CLIP1: variants seen among roughly 807,000 people sequenced by gnomAD.
The protein encoded by CLIP1 is CAP-Gly domain-containing linker protein 1.
Under a neutral mutation model 161.6 loss-of-function variants are expected in CLIP1, and 66 were observed. That is an observed-to-expected ratio of 0.41 (90% confidence interval 0.33 to 0.50). CLIP1 has a LOEUF of 0.50. CLIP1 is among the 20% of genes least tolerant of loss of function. CLIP1 has a pLI of 0.27. For missense variants in CLIP1, 1,376 were observed against 1,702.0 expected (o/e 0.81, Z 3.37); for synonymous variants, 598 against 626.2 (o/e 0.96, Z 0.67).
chr12:122,417,807 C>T (rs777943218), intron 1 of CLIP1, among the ~76,000 whole-genome samples: 6 of 152,050 alleles, frequency 3.9e-5, no homozygotes, highest in Admixed American at 6.6e-5. Flanking sequence ...CTACCGCGCC[C>T]GGCCAAATTA....
In CLIP1 at chr12:122,377,521, T is replaced by G; in HGVS notation, c.525A>C (p.Ala175=). The G allele has an allele frequency of 1.2e-6, 2 of 1,614,052 alleles. No individual in the cohort carries two copies. Among genetic ancestry groups the G allele is most frequent in the South Asian group, 2.2e-5 (2 of 91,080 alleles). ...GAGGCGTAGCTGAAGGTTCCTTTGCTGCTGGCTGTGATGGTTTCTGAGGGA... is the reference window on the plus strand; with the variant it reads ...GAGGCGTAGCTGAAGGTTCCTTTGCGGCTGGCTGTGATGGTTTCTGAGGGA... ...SNIPQKPSQP[A]AKEPSATPPI... Residue 175 remains alanine (A), a synonymous_variant, in exon 3 of 26, where the codon GCA becomes GCC. Transcript: ENST00000620786.
rs933547422 is a variant in CLIP1, at chr12:122,336,651, T to C, written c.2549A>G (p.Glu850Gly). The change falls in exon 12 of 26, where the codon GAA (glutamate) becomes GGA (glycine). Residue 850 changes from glutamate to glycine, a missense_variant. Glu to Gly is a moderately conservative substitution (Grantham distance 98, BLOSUM62 -2). Coordinates refer to ENST00000620786, the MANE Select transcript of CLIP1 (RefSeq NM_001247997.2). ...SEVSQVKETL[E>G]KELQILKEKF... Reference sequence around the variant, plus strand: ...ACTTACCAAAATCTGAAGTTCTTTTTCCAAAGTCTCTTTCACTTGACTGAC... The same window carrying C: ...ACTTACCAAAATCTGAAGTTCTTTTCCCAAAGTCTCTTTCACTTGACTGAC... The C allele has an allele frequency of 1.9e-6, 3 of 1,603,152 alleles. No homozygotes were observed. The African/African-American group carries it at 4.0e-5, about 21-fold the overall frequency.
chr12:122,300,801 A>G (rs1244625749), intron 20 of CLIP1, among the ~76,000 whole-genome samples: 1 of 151,938 alleles, frequency 6.6e-6, no homozygotes, highest in Non-Finnish European at 1.5e-5. Context: ...TTCTCTCTAT[A>G]TTTTTTTCTA....
At chr12:122,370,483 A>G (rs1351493954) in intron 3 of CLIP1, among the ~76,000 whole-genome samples, 1 of 152,148 alleles carries the variant, frequency 6.6e-6, no homozygotes, top group Non-Finnish European at 1.5e-5. Flanking sequence ...TAAAGCCATC[A>G]TATTTTCTCT....
chr12:122,380,256 AAT>A, intron 2 of CLIP1, 110 bp downstream of exon 2: 2 of 709,820 alleles, frequency 2.8e-6, no homozygotes, highest in Middle Eastern at 3.0e-4. Flanking sequence ...AAAAAAAAAA[AAT>A]CTTTCAAATA....
At chr12:122,297,780 A>C (rs1322393070) in intron 20 of CLIP1, among the ~76,000 whole-genome samples, 1 of 152,148 alleles carries the variant, frequency 6.6e-6, no homozygotes, top group East Asian at 1.9e-4. Flanking sequence ...AGAAGAAGGG[A>C]GTGGCGCAGA....
chr12:122,274,798 C>T (rs1955335451), intron 24 of CLIP1: 1 of 151,852 alleles, frequency 6.6e-6, no homozygotes, highest in Admixed American at 6.6e-5. Flanking sequence ...GCTTGGCCTC[C>T]CAAAGTGCTG....
chr12:122,301,601 G>A (rs1345770794), intron 20 of CLIP1, among the ~76,000 whole-genome samples: 1 of 152,164 alleles, frequency 6.6e-6, no homozygotes, highest in African/African-American at 2.4e-5. Flanking sequence ...TTGAACCCGG[G>A]AGGCGGAGGT....
In CLIP1 at chr12:122,279,001, G is replaced by A. The variant is rs543399003; in HGVS notation, c.3765+27C>T. ...TTGAACGAAAGGAGGCCGCGTGAAAGCTCGTGCACCCTGGGTGGTACTCTA... is the reference window on the plus strand; with the variant it reads ...TTGAACGAAAGGAGGCCGCGTGAAAACTCGTGCACCCTGGGTGGTACTCTA... On this transcript the variant is annotated intron_variant, in intron 22 of 25. Transcript: ENST00000620786. This position sits in a 1 kb window ranked among gnomAD's most constrained non-coding sequence, Gnocchi z 4.5. 7 of 1,606,188 alleles carry A rather than the reference G, an allele frequency of 4.4e-6. No homozygotes were observed. In the African/African-American group the frequency reaches 9.4e-5, roughly 22 times the overall value.
intron 21 of CLIP1, among the ~76,000 whole-genome samples, chr12:122,285,849 A>G (rs543262094): frequency 1.3e-5 from 2 of 151,734 alleles, no homozygotes; most frequent in South Asian, 4.2e-4. Context: ...AACTCCTTAC[A>G]TAAGGGTTTT....
intron 20 of CLIP1, among the ~76,000 whole-genome samples, chr12:122,291,293 G>A (rs1487744393): frequency 3.3e-5 from 5 of 151,908 alleles, no homozygotes; most frequent in South Asian, 2.1e-4. Flanking sequence ...AGGTTCAAGC[G>A]ATTCTCCTGT....
intron 1 of CLIP1, among the ~76,000 whole-genome samples, chr12:122,418,027 T>C (rs1263089001): frequency 1.3e-5 from 2 of 152,100 alleles, no homozygotes; most frequent in Admixed American, 1.3e-4. Context: ...TTCTTCTAAC[T>C]CTTACCCCTA....
At chr12:122,351,815 C>T (rs955422912) in intron 8 of CLIP1, among the ~76,000 whole-genome samples, 4 of 120,850 alleles carry the variant, frequency 3.3e-5, no homozygotes, top group Non-Finnish European at 6.1e-5. Context: ...AATTTAAAAA[C>T]TAATATGAAT....
At chr12:122,374,625 G>A (rs1399678431) in intron 3 of CLIP1, among the ~76,000 whole-genome samples, 1 of 152,076 alleles carries the variant, frequency 6.6e-6, no homozygotes, top group Non-Finnish European at 1.5e-5. Context: ...AGCTGGGCAT[G>A]GTGGTGGGCG....
rs1156452394 is a variant in CLIP1, at chr12:122,272,583, T to C, written c.*292A>G. 3.1e-6 allele frequency: 1 copy of C among 323,832 alleles called. No homozygotes were observed. Among genetic ancestry groups the C allele is most frequent in the East Asian group, 5.9e-5 (1 of 16,964 alleles). 20.1% of individuals were successfully genotyped at this position (323,832 alleles called of 1,614,324 possible). ...AAGGTATTGTGAGGGTAGGGGTTTT[T>C]CTACAAGGTCGGGGGGCCAATAAAT... is the stretch of plus-strand genomic sequence containing the variant. On this transcript the variant is annotated 3_prime_UTR_variant, in exon 26 of 26. Transcript: ENST00000620786.
Position 122,341,062 on chromosome 12 carries a change from C to T in CLIP1, c.2142G>A (p.Arg714=). 6.2e-7 allele frequency: 1 copy of T among 1,614,108 alleles called. No homozygotes were observed. Among genetic ancestry groups the T allele is most frequent in the Non-Finnish European group, 8.5e-7 (1 of 1,180,034 alleles). ...KEKENSLEAI[R]SKLDKAEDQH... The stretch of plus-strand genomic sequence containing the variant: ...GGTCTTCTGCTTTGTCCAGTTTCGA[C>T]CTGATGGCTTCCAGACTGTTTTCCT... The change falls in exon 11 of 26, where the codon AGG becomes AGA. Residue 714 remains arginine (R), a synonymous_variant. Coordinates refer to ENST00000620786, the MANE Select transcript of CLIP1 (RefSeq NM_001247997.2).
chr12:122,368,278 CAAG>C (rs1954265788), intron 3 of CLIP1, among the ~76,000 whole-genome samples: 1 of 152,088 alleles, frequency 6.6e-6, no homozygotes, highest in Admixed American at 6.5e-5. Flanking sequence ...GGGAGACAGA[CAAG>C]AAGATTCAGA....
At position 122,334,079 on chromosome 12, in the gene CLIP1, T is replaced by C. The variant is rs995020840; in HGVS notation, c.2658A>G (p.Glu886=). The C allele has an allele frequency of 2.0e-5, 33 of 1,612,824 alleles. No individual in the cohort carries two copies. Among genetic ancestry groups the C allele is most frequent in the Non-Finnish European group, 2.4e-5 (28 of 1,178,926 alleles). Residue 886 remains glutamate, a synonymous_variant, in exon 14 of 26, where the codon GAA becomes GAG. Coordinates refer to ENST00000620786, the MANE Select transcript of CLIP1 (RefSeq NM_001247997.2). ...AGTCAGAAGACAGCATGTTAAACTG[T>C]TCCTCCTTTTGGTGTAACTTATTTA... is the stretch of plus-strand genomic sequence containing the variant. ...ETVNKLHQKE[E]QFNMLSSDLE... is the part of the protein sequence containing the mutation.
chr12:122,359,133 CAG>C (rs1245622621), intron 5 of CLIP1, among the ~76,000 whole-genome samples: 4 of 152,072 alleles, frequency 2.6e-5, no homozygotes, highest in Non-Finnish European at 5.9e-5. Flanking sequence ...TTTTCTAAAA[CAG>C]AAATACATTT....
Sources: allele counts gnomAD v4.1 joint callset (sites outside exome capture counted in the v4.1 genomes callset), GRCh38; gene constraint gnomAD v4.1.1; non-coding constraint Gnocchi (gnomAD v3.1); transcripts MANE v1.5; gene names NCBI Gene and HGNC (gene_info 2026-07-23, HGNC 2026-07-21).